Variants in IPO5 observed in about 807,000 individuals in gnomAD.
IPO5 encodes importin-5.
IPO5 carries 18 observed loss-of-function variants against 143.3 expected under a neutral mutation model. That is an observed-to-expected ratio of 0.13 (90% CI 0.09 to 0.19). IPO5 has a LOEUF of 0.19. Ranked by LOEUF, IPO5 falls within the 10% of genes least tolerant of loss-of-function variation. IPO5 has a pLI of 1.00. For synonymous variants in IPO5, 477 were observed against 465.7 expected (o/e 1.02, Z -0.31); for missense variants, 1,013 against 1,336.9 (o/e 0.76, Z 3.78).
chr13:98,012,744 C>T (rs1013008562), intron 21 of IPO5, among the ~76,000 whole-genome samples: 10 of 151,282 alleles, frequency 6.6e-5, no homozygotes, highest in Non-Finnish European at 8.8e-5. Context: ...GCACTGAAAC[C>T]ACAACTTCCC....
rs768287713 is a variant in IPO5 at position 98,008,117 on chromosome 13, A to G, written c.1775A>G (p.Asn592Ser). The G allele has an allele frequency of 1.8e-5, 29 of 1,609,866 alleles. No individual in the cohort carries two copies. The highest frequency in any genetic ancestry group is 2.2e-5 in the East Asian group (1 of 44,868). The change falls in exon 18 of 29, where the codon AAT (asparagine) becomes AGT (serine). Residue 592 changes from asparagine (N) to serine (S), a missense_variant. By Grantham distance (46) the Asn-to-Ser change is conservative (BLOSUM62 1). Coordinates refer to ENST00000651721, the MANE Select transcript of IPO5 (RefSeq NM_002271.6). ...QLLLKTQTDF[N>S]DMEDDDPQIS... ...TTGTTAAAGACCCAGACAGACTTCAATGATATGGAAGATGATGATCCTCAG... is the reference window on the plus strand; with the variant it reads ...TTGTTAAAGACCCAGACAGACTTCAGTGATATGGAAGATGATGATCCTCAG...
chr13:97,986,121 A>G (rs1011704900), intron 6 of IPO5, among the ~76,000 whole-genome samples: 4 of 148,316 alleles, frequency 2.7e-5, no homozygotes, highest in Non-Finnish European at 4.4e-5. Context: ...TCTCAAAAAA[A>G]GGAAAAAAAA....
At chr13:97,961,893 C>G (rs548557970) in intron 2 of IPO5, among the ~76,000 whole-genome samples, 34 of 152,212 alleles carry the variant, frequency 2.2e-4, no homozygotes, top group African/African-American at 8.2e-4. Flanking sequence ...CTTTGGGAGA[C>G]CAAAGTGAGT....
intron 12 of IPO5, 107 bp downstream of exon 12, chr13:97,997,725 T>C: frequency 4.0e-6 from 2 of 496,950 alleles, no homozygotes; most frequent in East Asian, 3.3e-5. Flanking sequence ...AAGCCTGGAA[T>C]ATGGGGCACT....
chr13:97,987,241 T>A (rs1887437993), intron 6 of IPO5: 1 of 151,024 alleles, frequency 6.6e-6, no homozygotes. Flanking sequence ...TAGAAGAGAG[T>A]GTAGCCACCA....
Position 98,002,972 on chromosome 13 carries a change from C to T in IPO5, c.1432C>T (p.Leu478Phe). The T allele has an allele frequency of 1.2e-6, 2 of 1,613,600 alleles. No individual in the cohort carries two copies. The highest frequency in any genetic ancestry group is 1.7e-6 in the Non-Finnish European group (2 of 1,179,430). ...NFTEDCPKSLLIPYLDNLVKH... is the reference protein window; with the variant it reads ...NFTEDCPKSLFIPYLDNLVKH... Reference sequence around the variant, plus strand: ...TACTGAAGACTGTCCCAAGTCACTACTTATTCCATACTTGGATAATTTGGT... The same window carrying T: ...TACTGAAGACTGTCCCAAGTCACTATTTATTCCATACTTGGATAATTTGGT... Residue 478 changes from leucine to phenylalanine, a missense_variant, in exon 16 of 29, where the codon CTT (leucine) becomes TTT (phenylalanine). Around this residue, in one of 2 missense-constraint regions of IPO5, gnomAD observed 685 missense variants for 994.9 expected, o/e 0.69. Coordinates refer to ENST00000651721, the MANE Select transcript of IPO5 (RefSeq NM_002271.6).
At chr13:97,997,507 G>T (rs1244125291) in intron 11 of IPO5, 24 bp from the exon 12 acceptor site, 2 of 1,364,670 alleles carry the variant, frequency 1.5e-6, no homozygotes, top group Admixed American at 1.7e-5. Context: ...CAGTCTTCGG[G>T]TATGAAATAA....
At chr13:97,996,929 A>G (rs977980087) in intron 11 of IPO5, among the ~76,000 whole-genome samples, 1 of 152,220 alleles carries the variant, frequency 6.6e-6, no homozygotes, top group African/African-American at 2.4e-5. Flanking sequence ...GAAGATAGTA[A>G]TAACAATTTC....
chr13:97,960,596 T>A, intron 2 of IPO5, among the ~76,000 whole-genome samples: 1 of 151,636 alleles, frequency 6.6e-6, no homozygotes, highest in Admixed American at 6.6e-5. Flanking sequence ...TTCACCCTTG[T>A]CACCCAGGCT....
intron 4 of IPO5, among the ~76,000 whole-genome samples, chr13:97,977,895 A>T (rs1261329607): frequency 6.6e-6 from 1 of 152,202 alleles, no homozygotes; most frequent in Admixed American, 6.5e-5. Context: ...ACAAAAATTA[A>T]TTTTACATAT....
At position 97,993,112 on chromosome 13, in the gene IPO5, G is replaced by A; in HGVS notation, c.800G>A (p.Gly267Glu). 6.2e-7 allele frequency: 1 copy of A among 1,614,054 alleles called. No individual in the cohort carries two copies. The highest frequency in any genetic ancestry group is 8.5e-7 in the Non-Finnish European group (1 of 1,179,960). The change falls in exon 11 of 29, where the codon GGA becomes GAA. Residue 267 changes from glycine to glutamate, a missense_variant. Gly to Glu is a moderately conservative substitution (Grantham distance 98). Around this residue, in one of 2 missense-constraint regions of IPO5, gnomAD observed 328 missense variants for 342.0 expected, o/e 0.96. Transcript: ENST00000651721. ...AATATGTCTTCTTTGTAGTTGTGTG[G>A]AGACACTAGCCTCAACAATATGCAA... Reference protein sequence around the residue: ...ATLQLSLKLCGDTSLNNMQRQ... With the variant: ...ATLQLSLKLCEDTSLNNMQRQ...
At chr13:98,016,995 T>G in intron 25 of IPO5, 144 bp downstream of exon 25, 1 of 638,732 alleles carries the variant, frequency 1.6e-6, no homozygotes, top group Non-Finnish European at 2.5e-6. Context: ...TCAAGTTGAC[T>G]GCATTACCCT....
chr13:98,021,209 A>G (rs1020413144), intron 28 of IPO5, 76 bp downstream of exon 28: 1 of 1,326,250 alleles, frequency 7.5e-7, no homozygotes, highest in African/African-American at 1.5e-5. Flanking sequence ...AGAAGAAACT[A>G]GAAATCTAAT....
chr13:98,022,532 G>GT lies in IPO5; in HGVS notation c.*715dup, dbSNP rs1466430916. Reference sequence around the variant, plus strand: ...ACTGTCTGGCTTGGATTCATTTCATGTTTTTAATATAAGAATGATCTAATA... The same window carrying GT: ...ACTGTCTGGCTTGGATTCATTTCATGTTTTTTAATATAAGAATGATCTAATA... On this transcript the variant is annotated 3_prime_UTR_variant, in exon 29 of 29. Transcript: ENST00000651721. 1 of 152,492 alleles carries GT rather than the reference G, an allele frequency of 6.6e-6. No individual in the cohort carries two copies. The highest frequency in any genetic ancestry group is 1.5e-5 in the Non-Finnish European group (1 of 68,034). 9.4% of individuals were successfully genotyped at this position (152,492 alleles called of 1,614,324 possible).
intron 2 of IPO5, chr13:97,960,429 GA>G (rs963987454): frequency 1.3e-5 from 2 of 152,020 alleles, no homozygotes; most frequent in East Asian, 1.9e-4. Flanking sequence ...ATGATAGGGG[GA>G]AAAAATCACT....
intron 20 of IPO5, among the ~76,000 whole-genome samples, chr13:98,011,009 G>T (rs1889668488): frequency 1.3e-5 from 2 of 151,826 alleles, no homozygotes; most frequent in Admixed American, 1.3e-4. Context: ...TCCAACTCCT[G>T]ACCTCAGGTG....
intron 2 of IPO5, among the ~76,000 whole-genome samples, chr13:97,968,052 G>A (rs886619094): frequency 6.6e-6 from 1 of 151,968 alleles, no homozygotes; most frequent in Non-Finnish European, 1.5e-5. Flanking sequence ...TGAATTCCTG[G>A]GCTCAAAGGA....
intron 2 of IPO5, among the ~76,000 whole-genome samples, chr13:97,955,182 C>T (rs1884375092): frequency 6.6e-6 from 1 of 151,746 alleles, no homozygotes; most frequent in Admixed American, 6.6e-5. Flanking sequence ...TGAGCCATGA[C>T]TGTGCCACTG....
intron 16 of IPO5, among the ~76,000 whole-genome samples, chr13:98,005,365 TTTTATTTATTTA>T (rs57168569): frequency 0.073 from 10,307 of 142,086 alleles, 670 homozygotes; most frequent in African/African-American, 0.17. Flanking sequence ...CCTGGCTAAT[TTTTATTTATTTA>T]TTTATTTATT....
Sources: gnomAD v4.1 joint callset for allele counts (sites outside exome capture counted in the v4.1 genomes callset) on GRCh38, gnomAD v4.1.1 for gene constraint, gnomAD v4.1.1 regional missense constraint, MANE v1.5 for transcripts, NCBI Gene and HGNC (gene_info 2026-07-23, HGNC 2026-07-21) for gene names.